Variants in DGKD observed in about 807,000 individuals in gnomAD.
DGKD encodes the protein DAG kinase delta.
A neutral mutation model predicts 154.4 loss-of-function variants in DGKD; 68 were observed. The observed-to-expected ratio is 0.44, with a 90% confidence interval of 0.36 to 0.54. The LOEUF is 0.54. Among genes scored for constraint, DGKD ranks in the 20% least tolerant of loss-of-function variants. The pLI is 0.00. For synonymous variants in DGKD, 693 were observed against 638.0 expected, an observed-to-expected ratio of 1.09 and a Z score of -1.30; for missense variants, 1,343 against 1,593.6, an observed-to-expected ratio of 0.84 and a Z score of 2.68.
chr2:233,437,610 G>A, intron 8 of DGKD, 131 bp downstream of exon 8: 2 of 888,680 alleles, frequency 2.3e-6, no homozygotes, highest in Admixed American at 2.1e-5. Flanking sequence ...CAGCTGTTGG[G>A]GGTGCTGGAG....
chr2:233,466,905 C>A (rs1336884375), intron 27 of DGKD, among the ~76,000 whole-genome samples, 181 bp from the exon 28 acceptor site: 1 of 152,194 alleles, frequency 6.6e-6, no homozygotes, highest in African/African-American at 2.4e-5. Flanking sequence ...TTAACACTCA[C>A]TAAAATCAAC....
Position 233,450,036 on chromosome 2 carries a change from T to G in DGKD, c.1943T>G (p.Leu648Arg). Residue 648 changes from leucine (L) to arginine (R), a missense_variant, in exon 16 of 30, where the codon CTC (leucine) becomes CGC (arginine). This residue lies in a region of DGKD where 409 missense variants were observed against 446.0 expected (regional missense o/e 0.92). Coordinates refer to ENST00000264057, the MANE Select transcript of DGKD (RefSeq NM_152879.3). ...GAGCAGGAGGGCTTCGTCCTGGGCC[T>G]CTCTGAGTCAGAGGAGAAGATGGAC... The part of the protein sequence containing the change: ...TQEQEGFVLG[L>R]SESEEKMDHR... 6.2e-7 allele frequency: 1 copy of G among 1,613,794 alleles called. No homozygotes were observed. Among genetic ancestry groups the G allele is most frequent in the South Asian group, 1.1e-5 (1 of 91,072 alleles).
At chr2:233,407,228 C>T (rs1437072766) in intron 3 of DGKD, among the ~76,000 whole-genome samples, 3 of 152,180 alleles carry the variant, frequency 2.0e-5, no homozygotes, top group Non-Finnish European at 4.4e-5. Context: ...AACAGTTATT[C>T]TGATTTATAG....
chr2:233,378,911 G>C (rs1365158776), intron 1 of DGKD, among the ~76,000 whole-genome samples: 1 of 152,194 alleles, frequency 6.6e-6, no homozygotes, highest in East Asian at 1.9e-4. Context: ...CGCACCTGTA[G>C]TCCTAGCTAC....
rs753730614 is a variant in DGKD, at chr2:233,390,466, G to A, written c.331G>A (p.Val111Ile). ...CGTAGCTGAATCCAGTACCAAAAAC[G>A]TCAACAACAGTTTTACGGTAAGATT... ...ASVAESSTKN[V>I]NNSFTVITPC... is the part of the protein sequence containing the mutation. The change falls in exon 3 of 30, where the codon GTC becomes ATC. Residue 111 changes from valine to isoleucine, a missense_variant. By Grantham distance (29) the Val-to-Ile change is conservative (BLOSUM62 3). Around this residue, in one of 6 missense-constraint regions of DGKD, gnomAD observed 332 missense variants for 400.1 expected, o/e 0.83. Transcript: ENST00000264057. 13 of 1,613,848 alleles carry A rather than the reference G, an allele frequency of 8.1e-6. No individual in the cohort carries two copies. The highest frequency in any genetic ancestry group is 1.1e-5 in the Non-Finnish European group (13 of 1,179,796).
intron 3 of DGKD, among the ~76,000 whole-genome samples, chr2:233,401,894 TG>T (rs2061566248): frequency 8.3e-6 from 1 of 120,724 alleles, no homozygotes; most frequent in Admixed American, 1.1e-4. Flanking sequence ...CATTCCAGCC[TG>T]GGCGACAGAG....
intron 1 of DGKD, among the ~76,000 whole-genome samples, chr2:233,369,295 T>A (rs972271112): frequency 6.6e-6 from 1 of 152,210 alleles, no homozygotes; most frequent in Non-Finnish European, 1.5e-5. Flanking sequence ...TTCTGTAATG[T>A]ACATTTTTCC....
chr2:233,469,368 C>G lies in DGKD; in HGVS notation c.3556-3C>G. 1 of 1,610,264 alleles carries G rather than the reference C, an allele frequency of 6.2e-7. No individual in the cohort carries two copies. The highest frequency in any genetic ancestry group is 8.5e-7 in the Non-Finnish European group (1 of 1,178,432). The stretch of plus-strand genomic sequence containing the variant: ...ATCCATGGCGGTGTCTTCTCTGTTG[C>G]AGGACCTGGGCGTGACCAAGGTGGG... On this transcript the variant is annotated splice_polypyrimidine_tract_variant and splice_region_variant and intron_variant, in intron 29 of 29. Transcript: ENST00000264057.
intron 3 of DGKD, among the ~76,000 whole-genome samples, chr2:233,433,398 A>C (rs1219823072): frequency 6.6e-6 from 1 of 152,116 alleles, no homozygotes; most frequent in Non-Finnish European, 1.5e-5. Context: ...AAAAGAAAAC[A>C]GTTGAACTAA....
intron 3 of DGKD, among the ~76,000 whole-genome samples, chr2:233,415,995 G>GA (rs1408909144): frequency 1.3e-5 from 2 of 151,764 alleles, no homozygotes; most frequent in African/African-American, 2.4e-5. Flanking sequence ...AGAGGGAAAA[G>GA]AAAAAAAAGA....
rs762860213 is a variant in DGKD at position 233,462,364 on chromosome 2, C to T, written c.2998C>T (p.Gln1000Ter). The T allele has an allele frequency of 1.2e-6, 2 of 1,601,170 alleles. No individual in the cohort carries two copies. Among genetic ancestry groups the T allele is most frequent in the Non-Finnish European group, 1.7e-6 (2 of 1,169,454 alleles). Residue 1000 changes from glutamine to a stop codon, truncating the protein, a stop_gained, in exon 25 of 30, where the codon CAG becomes TAG. Coordinates refer to ENST00000264057, the MANE Select transcript of DGKD (RefSeq NM_152879.3). LOFTEE classifies it high-confidence loss of function. ...CCTCTCTAGTATCCGAGAAATAGCT[C>T]AGTCTCACCGGGACATGGAGCAGGA... is the stretch of plus-strand genomic sequence containing the variant. ...VLIHSIREIA[Q>*]SHRDMEQELA...
chr2:233,369,441 CATTTTA>C (rs543895655), intron 1 of DGKD, among the ~76,000 whole-genome samples: 86 of 152,306 alleles, frequency 5.6e-4, no homozygotes, highest in Admixed American at 3.5e-3. Context: ...CTTTTAAAAA[CATTTTA>C]ATTTTAACTT....
chr2:233,454,424 C>G (rs932486467), intron 18 of DGKD: 2 of 477,320 alleles, frequency 4.2e-6, no homozygotes, highest in Admixed American at 4.7e-5. Context: ...AGAAGAGGCG[C>G]CTCCGTGGAG....
chr2:233,407,544 T>A (rs1288889124), intron 3 of DGKD, among the ~76,000 whole-genome samples: 1 of 152,168 alleles, frequency 6.6e-6, no homozygotes, highest in Non-Finnish European at 1.5e-5. Flanking sequence ...GGCAGGAGAA[T>A]CACTTGAGGC....
intron 26 of DGKD, 195 bp from the exon 27 acceptor site, chr2:233,463,969 C>G (rs945874774): frequency 1.1e-5 from 7 of 656,114 alleles, no homozygotes; most frequent in Non-Finnish European, 1.8e-5. Flanking sequence ...CAGTTTTATT[C>G]TCTCACCAGC....
intron 1 of DGKD, among the ~76,000 whole-genome samples, chr2:233,358,300 G>A (rs1288075590): frequency 6.6e-6 from 1 of 152,208 alleles, no homozygotes; most frequent in African/African-American, 2.4e-5. Flanking sequence ...TTATTTAAAA[G>A]TTTCTAGAAA....
Position 233,450,013 on chromosome 2 carries a change from G to C in DGKD, c.1920G>C (p.Glu640Asp), listed in dbSNP as rs1332004391. ...AVDEQNAQTQ[E>D]QEGFVLGLSE... The stretch of plus-strand genomic sequence containing the variant: ...ATGAGCAGAATGCCCAGACCCAGGA[G>C]CAGGAGGGCTTCGTCCTGGGCCTCT... Residue 640 changes from glutamate (E) to aspartate (D), a missense_variant, in exon 16 of 30, where the codon GAG becomes GAC. Physicochemically the swap from Glu to Asp is conservative, Grantham distance 45. Coordinates refer to ENST00000264057, the MANE Select transcript of DGKD (RefSeq NM_152879.3). 3.7e-6 allele frequency: 6 copies of C among 1,611,958 alleles called. No homozygotes were observed. Among genetic ancestry groups the C allele is most frequent in the Non-Finnish European group, 3.4e-6 (4 of 1,178,864 alleles).
chr2:233,420,821 C>G (rs2062089941), intron 3 of DGKD, among the ~76,000 whole-genome samples: 1 of 152,154 alleles, frequency 6.6e-6, no homozygotes, highest in Admixed American at 6.5e-5. Context: ...CTGTAGTGTT[C>G]CAGTACCTAA....
At chr2:233,393,217 G>A (rs1312494082) in intron 3 of DGKD, among the ~76,000 whole-genome samples, 4 of 152,132 alleles carry the variant, frequency 2.6e-5, no homozygotes, top group South Asian at 4.1e-4. Flanking sequence ...AGTTAGAGAC[G>A]GGGTTTCGCC....
Sources: gnomAD v4.1 joint callset for allele counts (sites outside exome capture counted in the v4.1 genomes callset) on GRCh38, gnomAD v4.1.1 for gene constraint, gnomAD v4.1.1 regional missense constraint, MANE v1.5 for transcripts, NCBI Gene and HGNC (gene_info 2026-07-23, HGNC 2026-07-21) for gene names.